LRRTM3: variants seen among roughly 807,000 people sequenced by gnomAD.
LRRTM3 encodes leucine rich repeat transmembrane neuronal 3.
A neutral mutation model predicts 44.7 loss-of-function variants in LRRTM3; 24 were observed. The observed-to-expected ratio is 0.54, with a 90% CI of 0.39 to 0.76. The LOEUF (loss-of-function observed/expected upper bound fraction) is 0.76. LRRTM3 is among the 30% of genes least tolerant of loss of function. The pLI is 0.00. For missense variants in LRRTM3, 587 were observed against 702.2 expected (o/e 0.84, Z 1.85); for synonymous variants, 277 against 278.7 (o/e 0.99, Z 0.06).
At chr10:67,011,454 G>A (rs1852333550) in intron 2 of LRRTM3, among the ~76,000 whole-genome samples, 1 of 151,832 alleles carries the variant, frequency 6.6e-6, no homozygotes, top group African/African-American at 2.4e-5. Context: ...TACCCATAGA[G>A]TGCAATTAGG....
At chr10:66,966,103 G>C (rs1251797091) in intron 2 of LRRTM3, among the ~76,000 whole-genome samples, 1 of 151,692 alleles carries the variant, frequency 6.6e-6, no homozygotes, top group Non-Finnish European at 1.5e-5. Context: ...TGTAAAATTG[G>C]GATAACAATA....
chr10:66,985,924 C>T (rs554392143), intron 2 of LRRTM3, among the ~76,000 whole-genome samples: 77 of 152,132 alleles, frequency 5.1e-4, no homozygotes, highest in African/African-American at 1.8e-3. Context: ...GACAGGGTTT[C>T]ACCATGTTGG....
chr10:66,996,762 C>G (rs148781331), intron 2 of LRRTM3, among the ~76,000 whole-genome samples: 1 of 147,888 alleles, frequency 6.8e-6, no homozygotes, highest in Non-Finnish European at 1.5e-5. Flanking sequence ...AAAAAAATTT[C>G]TAAGGGTATG....
chr10:67,017,755 G>A (rs758723417), intron 2 of LRRTM3, among the ~76,000 whole-genome samples: 11 of 150,644 alleles, frequency 7.3e-5, no homozygotes, highest in South Asian at 6.3e-4. Flanking sequence ...GTGTGTGTGC[G>A]CGCGTACAAT....
chr10:67,052,540 A>G (rs1369347597), intron 2 of LRRTM3: 1 of 152,190 alleles, frequency 6.6e-6, no homozygotes, highest in East Asian at 1.9e-4. Context: ...GAAAGACAGC[A>G]TTATCATAAA....
Position 67,099,633 on chromosome 10 carries a change from T to C in LRRTM3, c.*1837T>C, listed in dbSNP as rs1204713243. The C allele has an allele frequency of 6.6e-6, 1 of 152,068 alleles. No homozygotes were observed. The highest frequency in any genetic ancestry group is 2.4e-5 in the African/African-American group (1 of 41,348). The allele number at this position is 152,068 out of a possible 1,614,324, so 9.4% of individuals were successfully genotyped here. ...AAATTTTTGTTGAAAATATATAAAG[T>C]CAGAAAGAAAAAAGATGTAAATGTT... On this transcript the variant is annotated 3_prime_UTR_variant, in exon 3 of 3. Transcript: ENST00000361320.
At chr10:67,013,361 C>T (rs576400525) in intron 2 of LRRTM3, among the ~76,000 whole-genome samples, 1 of 152,088 alleles carries the variant, frequency 6.6e-6, no homozygotes, top group East Asian at 1.9e-4. Context: ...ATATGTTTTC[C>T]TTTATTAGGA....
chr10:66,954,629 T>G (rs1050900279), intron 2 of LRRTM3, among the ~76,000 whole-genome samples: 1 of 152,192 alleles, frequency 6.6e-6, no homozygotes, highest in Non-Finnish European at 1.5e-5. Flanking sequence ...AAAATGAGGT[T>G]TAAAGTCCAT....
In LRRTM3 at chr10:66,939,198, T is replaced by C. The variant is rs138827755; in HGVS notation, c.1536+10746T>C. Among the ~76,000 whole-genome samples, 500 of 152,324 alleles carry C rather than the reference T, an allele frequency of 3.3e-3. 2 individuals carry two copies. Among genetic ancestry groups the C allele is most frequent in the African/African-American group, 0.012 (479 of 41,578 alleles). ...TTTTTTACCTCCTAAAAGCTGATCA[T>C]GCAGAAGGCATGTTAGATCATACAG... On this transcript the variant is annotated intron_variant, in intron 2 of 2. Coordinates refer to ENST00000361320, the MANE Select transcript of LRRTM3 (RefSeq NM_178011.5).
intron 2 of LRRTM3, among the ~76,000 whole-genome samples, chr10:67,039,672 C>G (rs1233629324): frequency 2.0e-5 from 3 of 151,998 alleles, no homozygotes; most frequent in South Asian, 4.1e-4. Context: ...TGACAGAACA[C>G]CAGCATTATG....
intron 2 of LRRTM3, among the ~76,000 whole-genome samples, chr10:66,944,969 G>A (rs1848206321): frequency 6.6e-6 from 1 of 152,086 alleles, no homozygotes; most frequent in Admixed American, 6.6e-5. Flanking sequence ...TATCATACAG[G>A]CTTTGCTGTT....
rs369207742 is a variant in LRRTM3 at position 67,097,581 on chromosome 10, C to T, written c.1537-6C>T. On this transcript the variant is annotated splice_region_variant and splice_polypyrimidine_tract_variant and intron_variant, in intron 2 of 2. Transcript: ENST00000361320. ...AACTGACTTTTCTCATGTCATTTTT[C>T]CCCAGATACCTTTATCAATGAATGT... 49 of 1,610,814 alleles carry T rather than the reference C, an allele frequency of 3.0e-5. No homozygotes were observed. In the African/African-American group the frequency reaches 6.5e-4, roughly 22 times the overall value.
At chr10:67,069,849 A>C (rs1856336842) in intron 2 of LRRTM3, among the ~76,000 whole-genome samples, 1 of 152,112 alleles carries the variant, frequency 6.6e-6, no homozygotes. Flanking sequence ...CTGTTTTGGC[A>C]CTATTACAAA....
chr10:67,010,237 A>T (rs934189020), intron 2 of LRRTM3, among the ~76,000 whole-genome samples: 5 of 152,216 alleles, frequency 3.3e-5, no homozygotes, highest in African/African-American at 7.2e-5. Flanking sequence ...TATTATAGTT[A>T]TAGCAACTAA....
chr10:67,038,767 A>T lies in LRRTM3; in HGVS notation c.1537-58820A>T, dbSNP rs531849783. Among the ~76,000 whole-genome samples the T allele has an allele frequency of 6.6e-5, 10 of 152,208 alleles. No individual in the cohort carries two copies. The East Asian group carries it at 1.9e-3, about 29-fold the overall frequency. ...GGCAGAACCAGGAGTTCAATATGAGATATTTTTTAAATGTCTCTCTTTATA... is the reference window on the plus strand; with the variant it reads ...GGCAGAACCAGGAGTTCAATATGAGTTATTTTTTAAATGTCTCTCTTTATA... On this transcript the variant is annotated intron_variant, in intron 2 of 2. Coordinates refer to ENST00000361320, the MANE Select transcript of LRRTM3 (RefSeq NM_178011.5).
chr10:67,022,450 A>T (rs1017268402), intron 2 of LRRTM3, among the ~76,000 whole-genome samples: 2 of 152,168 alleles, frequency 1.3e-5, no homozygotes, highest in East Asian at 3.9e-4. Context: ...CTACTCCAAG[A>T]TGACCCTAGA....
intron 2 of LRRTM3, among the ~76,000 whole-genome samples, chr10:67,065,638 A>T (rs1308284407): frequency 6.6e-6 from 1 of 151,964 alleles, no homozygotes; most frequent in African/African-American, 2.4e-5. Context: ...TAGCCAATAA[A>T]ATTCTCCAGT....
chr10:66,992,841 T>C (rs978895395), intron 2 of LRRTM3, among the ~76,000 whole-genome samples: 6 of 152,182 alleles, frequency 3.9e-5, no homozygotes, highest in Non-Finnish European at 7.4e-5. Flanking sequence ...TTTTTAGTGA[T>C]ACAACAAGGC....
intron 2 of LRRTM3, among the ~76,000 whole-genome samples, chr10:66,979,455 AAG>A (rs1393553177): frequency 1.3e-5 from 2 of 152,306 alleles, no homozygotes; most frequent in Non-Finnish European, 2.9e-5. Flanking sequence ...TTAGTAATGT[AAG>A]AGTTTCTGGC....
Sources: allele counts gnomAD v4.1 joint callset (sites outside exome capture counted in the v4.1 genomes callset), GRCh38; gene constraint gnomAD v4.1.1; transcripts MANE v1.5; gene names NCBI Gene and HGNC (gene_info 2026-07-23, HGNC 2026-07-21).